RUNDC3B: variants seen among roughly 807,000 people sequenced by gnomAD.
The protein encoded by RUNDC3B is RUN domain containing 3B.
RUNDC3B carries 33 observed loss-of-function variants against 58.4 expected under a neutral mutation model. That is an observed-to-expected ratio of 0.56 (90% confidence interval 0.43 to 0.75). The LOEUF is 0.75. Ranked by LOEUF, RUNDC3B falls within the 30% of genes least tolerant of loss-of-function variation. The pLI, the probability that RUNDC3B is intolerant of heterozygous loss-of-function variation, is 0.00. For missense variants in RUNDC3B, 501 were observed against 535.7 expected (o/e 0.94, Z 0.64); for synonymous variants, 193 against 195.2 (o/e 0.99, Z 0.10).
chr7:87,761,106 TAAAG>T, intron 6 of RUNDC3B, among the ~76,000 whole-genome samples: 1 of 151,848 alleles, frequency 6.6e-6, no homozygotes, highest in South Asian at 2.1e-4. Context: ...TTAGAATACA[TAAAG>T]AACTGCTACA....
rs779052957 is a variant in RUNDC3B at position 87,628,846 on chromosome 7, G to A, written c.23G>A (p.Gly8Asp). 14 of 1,267,714 alleles carry A rather than the reference G, an allele frequency of 1.1e-5. No homozygotes were observed. Among genetic ancestry groups the A allele is most frequent in the Non-Finnish European group, 1.3e-5 (13 of 999,400 alleles). 78.5% of individuals were successfully genotyped at this position (1,267,714 alleles called of 1,614,324 possible). A position where few individuals can be genotyped will look rare whatever the true frequency, so the allele number is the denominator to read the frequency against. MASRSLG[G>D]LSGIRGGGGG... ...GCCATGGCCTCCCGGAGCCTGGGGG[G>A]CCTGAGCGGGATCCGCGGCGGTGGC... is the stretch of plus-strand genomic sequence containing the variant. Residue 8 changes from glycine (G) to aspartate (D), a missense_variant, in exon 1 of 11, where the codon GGC (glycine) becomes GAC (aspartate). Coordinates refer to ENST00000394654, the MANE Select transcript of RUNDC3B (RefSeq NM_001134405.2).
Position 87,662,327 on chromosome 7 carries a change from A to G in RUNDC3B, c.238+11390A>G, listed in dbSNP as rs1386258489. 2.0e-5 allele frequency among the ~76,000 whole-genome samples: 3 copies of G among 152,170 alleles called. No individual in the cohort carries two copies. The East Asian group carries it at 5.8e-4, about 29-fold the overall frequency. ...GGTGTCAGTCAAGAAATCCTTGCCC[A>G]GTCCAATGTCCTGGAGACTTTCCAC... On this transcript the variant is annotated intron_variant, in intron 2 of 10. Transcript: ENST00000394654.
Position 87,628,640 on chromosome 7 carries a change from A to C in RUNDC3B, c.-184A>C. 2 of 348,452 alleles carry C rather than the reference A, an allele frequency of 5.7e-6. No individual in the cohort carries two copies. The highest frequency in any genetic ancestry group is 5.0e-6 in the Non-Finnish European group (1 of 199,428). The allele number at this position is 348,452 out of a possible 1,614,324, so 21.6% of individuals were successfully genotyped here. On this transcript the variant is annotated 5_prime_UTR_variant, in exon 1 of 11. Coordinates refer to ENST00000394654, the MANE Select transcript of RUNDC3B (RefSeq NM_001134405.2). ...GTGTGTGTGTGGAGCTCGGGTGCCA[A>C]GGGCGAGCCGTCAGTCCCCGGGTGC... is the stretch of plus-strand genomic sequence containing the variant.
intron 4 of RUNDC3B, among the ~76,000 whole-genome samples, chr7:87,732,645 G>T (rs1410832183): frequency 6.6e-6 from 1 of 152,102 alleles, no homozygotes; most frequent in Non-Finnish European, 1.5e-5. Flanking sequence ...GGTCCAGGGG[G>T]GTCACTGCCT....
chr7:87,816,113 C>A (rs763282604), intron 9 of RUNDC3B, 28 bp from the exon 10 acceptor site: 1 of 1,509,972 alleles, frequency 6.6e-7, no homozygotes, highest in Non-Finnish European at 9.1e-7. Context: ...AAAAGAAATT[C>A]AAGTAGTATT....
chr7:87,656,227 A>C (rs1326627586), intron 2 of RUNDC3B, among the ~76,000 whole-genome samples: 1 of 152,150 alleles, frequency 6.6e-6, no homozygotes, highest in African/African-American at 2.4e-5. Context: ...CATGTATATC[A>C]TATATACAAT....
chr7:87,778,099 T>A (rs1834738992), intron 8 of RUNDC3B, 144 bp downstream of exon 8: 2 of 674,732 alleles, frequency 3.0e-6, no homozygotes, highest in African/African-American at 1.8e-5. Flanking sequence ...AGTTTACTTA[T>A]GTTCTTGTTA....
At chr7:87,766,213 G>A (rs1040663184) in intron 6 of RUNDC3B, among the ~76,000 whole-genome samples, 3 of 152,072 alleles carry the variant, frequency 2.0e-5, no homozygotes, top group Admixed American at 6.5e-5. Context: ...TTCGAAGATG[G>A]TTGGGTCTTG....
At chr7:87,750,747 T>G (rs1372676681) in intron 6 of RUNDC3B, among the ~76,000 whole-genome samples, 1 of 150,906 alleles carries the variant, frequency 6.6e-6, no homozygotes, top group Non-Finnish European at 1.5e-5. Context: ...TCTTGTAAAT[T>G]TGTTGGAGTT....
intron 2 of RUNDC3B, among the ~76,000 whole-genome samples, chr7:87,669,133 GA>G (rs1323470237): frequency 3.9e-5 from 6 of 152,212 alleles, no homozygotes; most frequent in African/African-American, 1.4e-4. Context: ...AGGTCTCTAA[GA>G]ACTTGCTTTA....
At chr7:87,820,198 A>G (rs1837335692) in intron 10 of RUNDC3B, among the ~76,000 whole-genome samples, 1 of 152,228 alleles carries the variant, frequency 6.6e-6, no homozygotes, top group Non-Finnish European at 1.5e-5. Context: ...AAAAATGATA[A>G]AGGGGATATC....
intron 8 of RUNDC3B, among the ~76,000 whole-genome samples, chr7:87,786,810 A>C (rs1343501583): frequency 6.6e-6 from 1 of 152,192 alleles, no homozygotes; most frequent in Admixed American, 6.5e-5. Flanking sequence ...TTGAGAAATT[A>C]ATCTACCTGA....
At chr7:87,718,985 A>G (rs541187859) in intron 4 of RUNDC3B, among the ~76,000 whole-genome samples, 5 of 152,074 alleles carry the variant, frequency 3.3e-5, no homozygotes, top group Admixed American at 6.6e-5. Context: ...ATAAAACTAA[A>G]TTAAAATAAA....
intron 8 of RUNDC3B, among the ~76,000 whole-genome samples, chr7:87,786,508 C>T (rs376906056): frequency 6.6e-6 from 1 of 151,086 alleles, no homozygotes. Flanking sequence ...CCCTTGCTTC[C>T]ATTAGCAGGG....
chr7:87,815,507 TG>T (rs1183419806), intron 9 of RUNDC3B, among the ~76,000 whole-genome samples: 1 of 152,082 alleles, frequency 6.6e-6, no homozygotes, highest in African/African-American at 2.4e-5. Flanking sequence ...CATTTGTAAC[TG>T]AATTTATCAT....
chr7:87,728,883 G>A (rs1335844015), intron 4 of RUNDC3B, among the ~76,000 whole-genome samples: 2 of 152,126 alleles, frequency 1.3e-5, no homozygotes, highest in African/African-American at 4.8e-5. Context: ...TGGAGGTGAT[G>A]TGGTCTTCCT....
At chr7:87,806,806 A>G (rs1836459527) in intron 8 of RUNDC3B, among the ~76,000 whole-genome samples, 1 of 152,174 alleles carries the variant, frequency 6.6e-6, no homozygotes, top group Admixed American at 6.6e-5. Flanking sequence ...AGTCACTTCC[A>G]TCAAAAACAG....
intron 10 of RUNDC3B, among the ~76,000 whole-genome samples, chr7:87,819,222 T>A (rs1013826108): frequency 2.0e-5 from 3 of 152,088 alleles, no homozygotes; most frequent in African/African-American, 7.2e-5. Flanking sequence ...TAGAGGGTAA[T>A]TGACATTGTG....
intron 7 of RUNDC3B, 55 bp downstream of exon 7, chr7:87,770,804 CTG>C: frequency 8.5e-7 from 1 of 1,177,194 alleles, no homozygotes; most frequent in Non-Finnish European, 1.2e-6. Context: ...TGCCTTTGAA[CTG>C]TGACTGCCAA....
Sources: gnomAD v4.1 joint callset for allele counts (sites outside exome capture counted in the v4.1 genomes callset) on GRCh38, gnomAD v4.1.1 for gene constraint, MANE v1.5 for transcripts, NCBI Gene and HGNC (gene_info 2026-07-23, HGNC 2026-07-21) for gene names.